MORN1: variants seen among roughly 807,000 people sequenced by gnomAD.
MORN1 encodes the protein MORN repeat containing 1.
Under a neutral mutation model 61.9 loss-of-function variants are expected in MORN1, and 67 were observed. The ratio of observed to expected loss-of-function variants is 1.08; its 90% CI spans 0.89 to 1.33. The LOEUF is 1.33. Among genes scored for constraint, MORN1 ranks in the 40% most tolerant of loss-of-function variants. The probability of loss-of-function intolerance (pLI) is 0.00; values close to 1 mark genes in which losing one functional copy is unlikely to be tolerated. For synonymous variants in MORN1, 301 were observed against 292.0 expected, an observed-to-expected ratio of 1.03 and a Z score of -0.31; for missense variants, 752 against 691.2, an observed-to-expected ratio of 1.09 and a Z score of -0.99.
Position 2,324,140 on chromosome 1 carries a change from A to G in MORN1, c.1254T>C (p.Pro418=). The G allele has an allele frequency of 1.9e-6, 3 of 1,597,928 alleles. No individual in the cohort carries two copies. Among genetic ancestry groups the G allele is most frequent in the Non-Finnish European group, 2.6e-6 (3 of 1,173,544 alleles). The part of the protein sequence containing the change: ...TAQEPPGGSR[P]EGRATEEQAA... ...CCTGCTCCTCCGTGGCTCTCCCCTC[A>G]GGCCTGTGGAGACGACACAGTGAGG... is the stretch of plus-strand genomic sequence containing the variant. The change falls in exon 13 of 14, where the codon CCT becomes CCC. Residue 418 remains proline (P), a synonymous_variant. Transcript: ENST00000378531.
intron 7 of MORN1, among the ~76,000 whole-genome samples, chr1:2,373,294 C>T (rs912346501): frequency 3.3e-5 from 5 of 152,206 alleles, no homozygotes; most frequent in Non-Finnish European, 5.9e-5. Context: ...GCGGGTGCCC[C>T]GGACTTCATG....
intron 7 of MORN1, among the ~76,000 whole-genome samples, chr1:2,373,162 C>T (rs1293899500): frequency 6.6e-6 from 1 of 152,112 alleles, no homozygotes; most frequent in Non-Finnish European, 1.5e-5. Flanking sequence ...CCCTGACTCT[C>T]CCCTATGGAT....
chr1:2,323,400 C>T (rs936120962), intron 13 of MORN1: 44 of 985,298 alleles, frequency 4.5e-5, no homozygotes, highest in Middle Eastern at 5.2e-4. Context: ...AGACACCAGA[C>T]GAAGGGTCAT....
At chr1:2,384,500 T>C (rs1221322626) in intron 6 of MORN1, among the ~76,000 whole-genome samples, 5 of 152,196 alleles carry the variant, frequency 3.3e-5, no homozygotes, top group African/African-American at 1.2e-4. Flanking sequence ...CTCCCTTTTG[T>C]AAGAAAAAAT....
chr1:2,321,681 C>G (rs956800871), intron 13 of MORN1, 102 bp from the exon 14 acceptor site: 1 of 1,362,412 alleles, frequency 7.3e-7, no homozygotes, highest in African/African-American at 1.5e-5. Context: ...GGCCCCTGTG[C>G]CCCCGACCCT....
rs189999249 is a variant in MORN1, at chr1:2,357,238, C to T, written c.1036+194G>A. ...CAGACGAACAATCGGCTTGAGCCTC[C>T]GCAGCCACCCGTGACTGCTTGTCTG... is the stretch of plus-strand genomic sequence containing the variant. On this transcript the variant is annotated intron_variant, in intron 10 of 13. Transcript: ENST00000378531. This position sits in a 1 kb window ranked among gnomAD's most constrained non-coding sequence, Gnocchi z 6.3. 4.6e-3 allele frequency among the ~76,000 whole-genome samples: 708 copies of T among 152,304 alleles called. 7 individuals are homozygous for T. Among genetic ancestry groups the T allele is most frequent in the East Asian group, 0.019 (100 of 5,188 alleles).
chr1:2,389,744 C>G (rs1642596298), intron 2 of MORN1, among the ~76,000 whole-genome samples, 181 bp downstream of exon 2: 1 of 152,200 alleles, frequency 6.6e-6, no homozygotes, highest in African/African-American at 2.4e-5. Flanking sequence ...CCAGGGGGGT[C>G]TCCCAGGCCT....
At chr1:2,341,942 C>T (rs1011509189) in intron 10 of MORN1, among the ~76,000 whole-genome samples, 3 of 152,214 alleles carry the variant, frequency 2.0e-5, no homozygotes, top group Non-Finnish European at 2.9e-5. Flanking sequence ...CCACGGGCCC[C>T]AGAGGAACCA....
chr1:2,330,967 C>T (rs1189182376), intron 12 of MORN1, among the ~76,000 whole-genome samples: 1 of 152,226 alleles, frequency 6.6e-6, no homozygotes, highest in African/African-American at 2.4e-5. Context: ...GGGCTTTGTC[C>T]TTTTGTGGAA....
chr1:2,346,164 G>C (rs113060488), intron 10 of MORN1, among the ~76,000 whole-genome samples: 107 of 151,392 alleles, frequency 7.1e-4, no homozygotes, highest in African/African-American at 2.4e-3. Context: ...ACCTTCCTCA[G>C]ACAAAGCCAC....
intron 10 of MORN1, among the ~76,000 whole-genome samples, chr1:2,349,078 G>T (rs1413016569): frequency 6.6e-6 from 1 of 152,202 alleles, no homozygotes; most frequent in Non-Finnish European, 1.5e-5. Context: ...GTGCTTGGGG[G>T]CTTCCCTGCT....
At chr1:2,377,645 T>C (rs1168010061) in intron 6 of MORN1, 1 of 152,384 alleles carries the variant, frequency 6.6e-6, no homozygotes, top group Non-Finnish European at 1.5e-5. Context: ...TTGGAAGCTA[T>C]GCCCTCTGTT....
chr1:2,331,908 C>G (rs1259626251), intron 12 of MORN1, among the ~76,000 whole-genome samples: 4 of 130,572 alleles, frequency 3.1e-5, no homozygotes, highest in East Asian at 2.3e-4. Context: ...CCCTCGTGCG[C>G]CTCTCCCGCC....
intron 6 of MORN1, among the ~76,000 whole-genome samples, chr1:2,381,744 C>T (rs1176302340): frequency 6.6e-6 from 1 of 152,162 alleles, no homozygotes; most frequent in Admixed American, 6.5e-5. Flanking sequence ...CCTGGGGGGC[C>T]GCTTGGGGGC....
At chr1:2,387,669 C>T (rs1642537918) in intron 3 of MORN1, 140 bp from the exon 4 acceptor site, 10 of 649,366 alleles carry the variant, frequency 1.5e-5, no homozygotes, top group South Asian at 1.5e-4. Flanking sequence ...ACTACTCAGT[C>T]TGCTTCATGA....
At chr1:2,332,797 C>T (rs1354159807) in intron 12 of MORN1, 2 of 452,374 alleles carry the variant, frequency 4.4e-6, no homozygotes, top group Non-Finnish European at 8.9e-6. Context: ...GGCTTTGGGG[C>T]TTGTGCGGAG....
chr1:2,325,287 C>T (rs979997458), intron 12 of MORN1, among the ~76,000 whole-genome samples: 22 of 136,458 alleles, frequency 1.6e-4, no homozygotes, highest in South Asian at 4.8e-4. Context: ...CTCTCTCTCT[C>T]CTCTCTCTCT....
chr1:2,390,658 G>C (rs1047400773), intron 1 of MORN1: 1 of 985,282 alleles, frequency 1.0e-6, no homozygotes, highest in African/African-American at 1.7e-5. Context: ...TCCCAAATCA[G>C]GGTCAGGTTC....
At chr1:2,361,117 T>C (rs769049497) in intron 8 of MORN1, among the ~76,000 whole-genome samples, 11 of 152,236 alleles carry the variant, frequency 7.2e-5, no homozygotes, top group Non-Finnish European at 1.3e-4. Context: ...CAGGAAAGTA[T>C]GGCCCATAAC....
Sources: gnomAD v4.1 joint callset for allele counts (sites outside exome capture counted in the v4.1 genomes callset) on GRCh38, gnomAD v4.1.1 for gene constraint, Gnocchi (gnomAD v3.1) non-coding constraint, MANE v1.5 for transcripts, NCBI Gene and HGNC (gene_info 2026-07-23, HGNC 2026-07-21) for gene names.